CNTN6: variants seen among roughly 807,000 people sequenced by gnomAD.
The protein encoded by CNTN6 is contactin 6.
CNTN6 carries 137 observed loss-of-function variants against 122.8 expected under a neutral mutation model. That is an observed-to-expected ratio of 1.12 (90% CI 0.97 to 1.29). The LOEUF (loss-of-function observed/expected upper bound fraction) is 1.29, where lower values mean the gene tolerates loss of function less well. Ranked by LOEUF, CNTN6 falls within the 50% of genes most tolerant of loss-of-function variation. The pLI, the probability that CNTN6 is intolerant of heterozygous loss-of-function variation, is 0.00. For synonymous variants in CNTN6, 570 were observed against 426.0 expected (o/e 1.34, Z -4.16); for missense variants, 1,634 against 1,223.4 (o/e 1.34, Z -5.01).
At chr3:1,393,524 T>A (rs1037968556) in intron 20 of CNTN6, among the ~76,000 whole-genome samples, 3 of 145,964 alleles carry the variant, frequency 2.1e-5, no homozygotes, top group East Asian at 2.1e-4. Flanking sequence ...AACCTGCACG[T>A]TGTGCACATG....
rs71056331 is a variant in CNTN6 at position 1,332,495 on chromosome 3, A to AAAGGAAGGAAGGAAGGAAGGAAGG, written c.1364+2574_1364+2597dup. 5.3e-4 allele frequency among the ~76,000 whole-genome samples: 63 copies of AAAGGAAGGAAGGAAGGAAGGAAGG among 118,632 alleles called. 1 individual carries two copies. The highest frequency in any genetic ancestry group is 2.7e-3 in the East Asian group (9 of 3,276). 77.8% of individuals were successfully genotyped at this position (118,632 alleles called of 152,430 possible). The stretch of plus-strand genomic sequence containing the variant: ...GAAAGAGAGAAAGAAAGGAAGGAAA[A>AAAGGAAGGAAGGAAGGAAGGAAGG]AAGGAAGGAAGGAAGGAAGGAAGGA... On this transcript the variant is annotated intron_variant, in intron 11 of 22. Coordinates refer to ENST00000446702, the MANE Select transcript of CNTN6 (RefSeq NM_001289080.2).
chr3:1,323,700 T>C (rs1468470095), intron 8 of CNTN6, among the ~76,000 whole-genome samples: 5 of 151,692 alleles, frequency 3.3e-5, no homozygotes, highest in Non-Finnish European at 5.9e-5. Context: ...TCATAGAAAA[T>C]AGAACATGTT....
intron 5 of CNTN6, among the ~76,000 whole-genome samples, chr3:1,294,424 G>A (rs1695847621): frequency 6.6e-6 from 1 of 152,160 alleles, no homozygotes; most frequent in Non-Finnish European, 1.5e-5. Context: ...ATCCAGTAGT[G>A]GTTGCAGCAG....
At chr3:1,181,615 T>C (rs1196357142) in intron 2 of CNTN6, among the ~76,000 whole-genome samples, 1 of 152,172 alleles carries the variant, frequency 6.6e-6, no homozygotes, top group East Asian at 1.9e-4. Flanking sequence ...TGTGTATGTG[T>C]GTCTCCAGGT....
chr3:1,354,805 T>C (rs1013297585), intron 12 of CNTN6, among the ~76,000 whole-genome samples: 2 of 151,500 alleles, frequency 1.3e-5, no homozygotes, highest in African/African-American at 4.8e-5. Flanking sequence ...TAGGACACTT[T>C]GCAAAAAAAG....
intron 1 of CNTN6, among the ~76,000 whole-genome samples, chr3:1,122,386 TGAAGGAGGAAA>T (rs1462115847): frequency 3.7e-5 from 5 of 135,278 alleles, no homozygotes; most frequent in African/African-American, 1.7e-4. Context: ...AAGGGAGGAA[TGAAGGAGGAAA>T]GAAGGGGTTC....
chr3:1,352,565 C>T, intron 12 of CNTN6, 114 bp downstream of exon 12: 2 of 1,235,174 alleles, frequency 1.6e-6, no homozygotes, highest in Non-Finnish European at 1.1e-6. Flanking sequence ...TTGTTGATTT[C>T]ACAAGTTATC....
intron 12 of CNTN6, among the ~76,000 whole-genome samples, chr3:1,368,119 T>C (rs1708494512): frequency 6.6e-6 from 1 of 152,216 alleles, no homozygotes; most frequent in African/African-American, 2.4e-5. Context: ...ATAAGAACAT[T>C]ATTTTTATAT....
At chr3:1,096,909 T>C (rs923078684) in intron 1 of CNTN6, among the ~76,000 whole-genome samples, 5 of 152,152 alleles carry the variant, frequency 3.3e-5, no homozygotes, top group African/African-American at 9.7e-5. Flanking sequence ...CCACGACCAC[T>C]GCCACCTTTT....
At chr3:1,302,505 G>A (rs1489069323) in intron 7 of CNTN6, among the ~76,000 whole-genome samples, 9 of 152,080 alleles carry the variant, frequency 5.9e-5, no homozygotes, top group Non-Finnish European at 1.5e-5. Context: ...AGAGAAGAGG[G>A]AGGAAGGAAA....
intron 12 of CNTN6, among the ~76,000 whole-genome samples, chr3:1,359,891 T>G (rs1278109479): frequency 6.6e-6 from 1 of 152,082 alleles, no homozygotes; most frequent in East Asian, 1.9e-4. Context: ...TTCCCTTCTT[T>G]TGTTCGTTTG....
chr3:1,190,210 CTT>C (rs2093681969), intron 2 of CNTN6, among the ~76,000 whole-genome samples: 1 of 152,150 alleles, frequency 6.6e-6, no homozygotes, highest in South Asian at 2.1e-4. Flanking sequence ...TCTGATGTCT[CTT>C]TTTATAAGCG....
intron 1 of CNTN6, among the ~76,000 whole-genome samples, chr3:1,118,314 C>G (rs1480116609): frequency 6.6e-6 from 1 of 152,160 alleles, no homozygotes; most frequent in Non-Finnish European, 1.5e-5. Flanking sequence ...CTCTGAATGA[C>G]TCACAGCTTT....
chr3:1,094,268 CCCT>C (rs1559296431), intron 1 of CNTN6, among the ~76,000 whole-genome samples: 1 of 151,838 alleles, frequency 6.6e-6, no homozygotes, highest in Non-Finnish European at 1.5e-5. Flanking sequence ...GACTCTTTTT[CCCT>C]CCTCCTTCAC....
At chr3:1,242,427 C>G (rs879573973) in intron 4 of CNTN6, among the ~76,000 whole-genome samples, 1 of 151,990 alleles carries the variant, frequency 6.6e-6, no homozygotes, top group Admixed American at 6.5e-5. Context: ...TAAGACTTGT[C>G]CGGTTTTTGG....
chr3:1,399,764 A>G (rs1006366279), intron 20 of CNTN6, among the ~76,000 whole-genome samples: 1 of 152,122 alleles, frequency 6.6e-6, no homozygotes, highest in Non-Finnish European at 1.5e-5. Context: ...GATGTCTCCT[A>G]TGTGCCAGGC....
At chr3:1,233,548 A>C (rs944266377) in intron 4 of CNTN6, among the ~76,000 whole-genome samples, 12 of 151,968 alleles carry the variant, frequency 7.9e-5, no homozygotes, top group African/African-American at 2.7e-4. Flanking sequence ...AGCCTGGCCA[A>C]CATAGTGAAA....
In CNTN6 at chr3:1,373,748, A is replaced by G. The variant is rs1709451130; in HGVS notation, c.1931A>G (p.Gln644Arg). ...CGGACACCATTTTCTGTGGGTTGGC[A>G]GGCTGTTGCTACAGGTGAGTGACAA... ...QTRTPFSVGW[Q>R]AVATVPEILN... The change falls in exon 15 of 23, where the codon CAG becomes CGG. Residue 644 changes from glutamine to arginine, a missense_variant. Gln to Arg is a conservative substitution (Grantham distance 43, BLOSUM62 1). Coordinates refer to ENST00000446702, the MANE Select transcript of CNTN6 (RefSeq NM_001289080.2). 6.2e-7 allele frequency: 1 copy of G among 1,608,986 alleles called. No individual in the cohort carries two copies. Among genetic ancestry groups the G allele is most frequent in the African/African-American group, 1.3e-5 (1 of 74,806 alleles).
chr3:1,134,145 T>A (rs1009232008), intron 1 of CNTN6, among the ~76,000 whole-genome samples: 6 of 152,172 alleles, frequency 3.9e-5, no homozygotes, highest in African/African-American at 1.4e-4. Flanking sequence ...ATAACGTCTA[T>A]GTGCTTTTGA....
Sources: gnomAD v4.1 joint callset for allele counts (sites outside exome capture counted in the v4.1 genomes callset) on GRCh38, gnomAD v4.1.1 for gene constraint, MANE v1.5 for transcripts, NCBI Gene and HGNC (gene_info 2026-07-23, HGNC 2026-07-21) for gene names.